The following IL11RA variants were observed in gnomAD, a reference collection of about 807,000 sequenced individuals.
IL11RA encodes interleukin 11 receptor subunit alpha, also known as interleukin-11 receptor subunit alpha.
In IL11RA, 51 loss-of-function variants were observed where a neutral mutation model predicts 57.0. That is an observed-to-expected ratio of 0.89 (90% CI 0.71 to 1.13). The LOEUF (loss-of-function observed/expected upper bound fraction) is 1.13. Among genes scored for constraint, IL11RA ranks in the 50% most tolerant of loss-of-function variants. The pLI is 0.00. For missense variants in IL11RA, 498 were observed against 539.4 expected (o/e 0.92, Z 0.76); for synonymous variants, 199 against 217.5 (o/e 0.91, Z 0.75).
chr9:34,659,833 C>T lies in IL11RA; in HGVS notation c.885C>T (p.Ala295=), dbSNP rs755041133. Residue 295 remains alanine (A), a synonymous_variant, in exon 9 of 13, where the codon GCC becomes GCT. Transcript: ENST00000441545. The part of the protein sequence containing the change: ...AGLPHAVRVS[A]RDFLDAGTWS... The stretch of plus-strand genomic sequence containing the variant: ...TGCCCCATGCTGTACGAGTCAGTGC[C>T]CGGGACTTTCTAGATGCTGGCACCT... 16 of 1,614,068 alleles carry T rather than the reference C, an allele frequency of 9.9e-6. No individual in the cohort carries two copies. Among genetic ancestry groups the T allele is most frequent in the African/African-American group, 1.3e-5 (1 of 74,928 alleles).
intron 3 of IL11RA, chr9:34,655,880 A>G (rs1203717939): frequency 3.2e-6 from 2 of 618,130 alleles, no homozygotes; most frequent in East Asian, 5.8e-5. Flanking sequence ...GCTCTGGGAT[A>G]CAGCAGTGCT....
chr9:34,661,214 A>G (rs905253853), intron 12 of IL11RA, among the ~76,000 whole-genome samples: 1 of 147,578 alleles, frequency 6.8e-6, no homozygotes, highest in African/African-American at 2.4e-5. Flanking sequence ...CTTCCAGGGT[A>G]TTAGACTCAG....
intron 4 of IL11RA, 50 bp from the exon 5 acceptor site, chr9:34,656,985 C>A (rs376621888): frequency 6.2e-6 from 10 of 1,607,322 alleles, no homozygotes; most frequent in Non-Finnish European, 8.5e-6. Context: ...CCTCTGGGAC[C>A]AGGAGGACCT....
In IL11RA at chr9:34,655,259, C is replaced by A. The variant is rs148148995; in HGVS notation, c.42C>A (p.Ala14=). ...CAGGGCTGAGCAGGGTCCTGGTGGC[C>A]GTGGCTACAGCCCTGGTGTCTGCCT... ...SCSGLSRVLV[A]VATALVSASS... Residue 14 remains alanine (A), a synonymous_variant, in exon 2 of 13, where the codon GCC becomes GCA. Coordinates refer to ENST00000441545, the MANE Select transcript of IL11RA (RefSeq NM_001142784.3). 3 of 1,612,106 alleles carry A rather than the reference C, an allele frequency of 1.9e-6. No homozygotes were observed. The highest frequency in any genetic ancestry group is 8.5e-7 in the Non-Finnish European group (1 of 1,179,330).
At position 34,658,698 on chromosome 9, in the gene IL11RA, G is replaced by A; in HGVS notation, c.810+15G>A. ...CCTGGTCCACGGTGAGGCCTGGAGT[G>A]CGTCCCAACCCACGGCTGTGGGTCC... is the stretch of plus-strand genomic sequence containing the variant. On this transcript the variant is annotated intron_variant, in intron 8 of 12. Coordinates refer to ENST00000441545, the MANE Select transcript of IL11RA (RefSeq NM_001142784.3). The surrounding 1 kb of genome is among the most constrained non-coding windows in gnomAD (Gnocchi z 4.0). 8 of 1,610,146 alleles carry A rather than the reference G, an allele frequency of 5.0e-6. No homozygotes were observed. Among genetic ancestry groups the A allele is most frequent in the Non-Finnish European group, 6.8e-6 (8 of 1,179,950 alleles).
intron 7 of IL11RA, 107 bp downstream of exon 7, chr9:34,657,694 AT>A: frequency 1.8e-6 from 2 of 1,114,324 alleles, no homozygotes; most frequent in Non-Finnish European, 2.6e-6. Context: ...CCTAGACTCC[AT>A]TTCACACAGA....
chr9:34,659,476 T>G (rs1041385293), intron 8 of IL11RA, among the ~76,000 whole-genome samples: 5 of 152,304 alleles, frequency 3.3e-5, no homozygotes, highest in African/African-American at 1.2e-4. Context: ...ATTTTACAAA[T>G]GAAGAAACTG....
intron 8 of IL11RA, 136 bp from the exon 9 acceptor site, chr9:34,659,623 G>T: frequency 9.6e-7 from 1 of 1,046,028 alleles, no homozygotes. Flanking sequence ...AGCTCCACCA[G>T]ACACCCAACA....
rs1821330088 is a variant in IL11RA, at chr9:34,655,650, C to A, written c.146C>A (p.Pro49His). The A allele has an allele frequency of 1.9e-6, 3 of 1,614,106 alleles. No homozygotes were observed. Among genetic ancestry groups the A allele is most frequent in the Non-Finnish European group, 2.5e-6 (3 of 1,180,012 alleles). Residue 49 changes from proline to histidine, a missense_variant, in exon 3 of 13, where the codon CCT becomes CAT. Transcript: ENST00000441545. ...QPGRSVKLCC[P>H]GVTAGDPVSW... ...GGCAGGTCCGTGAAGCTGTGTTGTCCTGGAGTGACTGCCGGGTAAGTGCCC... is the reference window on the plus strand; with the variant it reads ...GGCAGGTCCGTGAAGCTGTGTTGTCATGGAGTGACTGCCGGGTAAGTGCCC...
In IL11RA at chr9:34,661,545, C is replaced by T. The variant is rs781237824; in HGVS notation, c.*47C>T. On this transcript the variant is annotated 3_prime_UTR_variant, in exon 13 of 13. Coordinates refer to ENST00000441545, the MANE Select transcript of IL11RA (RefSeq NM_001142784.3). ...AGATTCCACCTATAATTCTGTCTTG[C>T]TGGTGTGGATAGAAACCAGGCAGGA... 6.5e-7 allele frequency: 1 copy of T among 1,542,956 alleles called. No homozygotes were observed. Among genetic ancestry groups the T allele is most frequent in the Non-Finnish European group, 9.0e-7 (1 of 1,116,474 alleles).
At chr9:34,661,113 T>C (rs1047886981) in intron 12 of IL11RA, among the ~76,000 whole-genome samples, 177 bp downstream of exon 12, 1 of 151,560 alleles carries the variant, frequency 6.6e-6, no homozygotes, top group African/African-American at 2.4e-5. Context: ...GTCCCTGGGC[T>C]CAGAAGTGGG....
chr9:34,656,474 G>T (rs921952514), intron 3 of IL11RA, among the ~76,000 whole-genome samples: 1 of 152,310 alleles, frequency 6.6e-6, no homozygotes, highest in South Asian at 2.1e-4. Context: ...AGTGCAAAAT[G>T]TCCTGAGGTG....
At chr9:34,655,501 G>GC (rs1424368716) in intron 2 of IL11RA, 104 bp from the exon 3 acceptor site, 7 of 1,030,362 alleles carry the variant, frequency 6.8e-6, no homozygotes, top group African/African-American at 3.1e-5. Context: ...GATCCAGTGA[G>GC]CCCCCCACCA....
chr9:34,661,830 C>G lies in IL11RA; in HGVS notation c.*332C>G. On this transcript the variant is annotated 3_prime_UTR_variant, in exon 13 of 13. Coordinates refer to ENST00000441545, the MANE Select transcript of IL11RA (RefSeq NM_001142784.3). ...GTGTGTGTGGGTCCTTGGCTCTTGG[C>G]CTTTCCCCTTGCAGGGGTTGTGCAG... 1 of 1,285,316 alleles carries G rather than the reference C, an allele frequency of 7.8e-7. No homozygotes were observed. Among genetic ancestry groups the G allele is most frequent in the Non-Finnish European group, 1.1e-6 (1 of 913,162 alleles). 79.6% of individuals were successfully genotyped at this position (1,285,316 alleles called of 1,614,324 possible).
rs1470738871 is a variant in IL11RA, at chr9:34,657,447, C to T, written c.506C>T (p.Pro169Leu). ...QRRSPSTGPWPCPQDPLGAAR... is the reference protein window; with the variant it reads ...QRRSPSTGPWLCPQDPLGAAR... ...AGGAGTCCATCCACAGGGCCCTGGC[C>T]ATGCCCACAGGATCCCCTAGGGGCT... The change falls in exon 7 of 13, where the codon CCA becomes CTA. Residue 169 changes from proline to leucine, a missense_variant. Pro to Leu is a moderately conservative substitution (Grantham distance 98). Coordinates refer to ENST00000441545, the MANE Select transcript of IL11RA (RefSeq NM_001142784.3). 6.2e-7 allele frequency: 1 copy of T among 1,614,072 alleles called. No individual in the cohort carries two copies. The highest frequency in any genetic ancestry group is 8.5e-7 in the Non-Finnish European group (1 of 1,180,028).
Position 34,659,878 on chromosome 9 carries a change from G to T in IL11RA, c.930G>T (p.Glu310Asp). 1 of 1,614,210 alleles carries T rather than the reference G, an allele frequency of 6.2e-7. No homozygotes were observed. The highest frequency in any genetic ancestry group is 8.5e-7 in the Non-Finnish European group (1 of 1,180,030). The part of the protein sequence containing the change: ...DAGTWSTWSP[E>D]AWGTPSTGTI... ...GCACCTGGAGCACCTGGAGCCCGGA[G>T]GCCTGGGGAACTCCGAGCACTGGTG... Residue 310 changes from glutamate (E) to aspartate (D), a missense_variant, in exon 9 of 13, where the codon GAG becomes GAT. By Grantham distance (45) the Glu-to-Asp change is conservative. Coordinates refer to ENST00000441545, the MANE Select transcript of IL11RA (RefSeq NM_001142784.3).
intron 11 of IL11RA, 28 bp from the exon 12 acceptor site, chr9:34,660,826 G>A (rs1488953308): frequency 5.0e-6 from 8 of 1,595,512 alleles, no homozygotes; most frequent in African/African-American, 1.3e-5. Flanking sequence ...CACATTGTTG[G>A]AGAGACAGCT....
At chr9:34,656,321 G>A (rs1001202581) in intron 3 of IL11RA, among the ~76,000 whole-genome samples, 2 of 152,152 alleles carry the variant, frequency 1.3e-5, no homozygotes, top group African/African-American at 4.8e-5. Flanking sequence ...GTGAGCCACC[G>A]TGCCTGGCCC....
In IL11RA at chr9:34,661,487, C is replaced by T; in HGVS notation, c.1258C>T (p.Pro420Ser). ...VIPVDRRPGAPNL is the reference protein window; with the variant it reads ...VIPVDRRPGASNL Reference sequence around the variant, plus strand: ...TTGCCTCCTGCTTCTTCTAGGAGCTCCAAACCTGTAGAGGACCCAGGAGGG... The same window carrying T: ...TTGCCTCCTGCTTCTTCTAGGAGCTTCAAACCTGTAGAGGACCCAGGAGGG... The change falls in exon 13 of 13, where the codon CCA becomes TCA. Residue 420 changes from proline (P) to serine (S), a missense_variant. By Grantham distance (74) the Pro-to-Ser change is moderately conservative (BLOSUM62 -1). Coordinates refer to ENST00000441545, the MANE Select transcript of IL11RA (RefSeq NM_001142784.3). The T allele has an allele frequency of 1.9e-6, 3 of 1,613,828 alleles. No individual in the cohort carries two copies. Among genetic ancestry groups the T allele is most frequent in the Non-Finnish European group, 2.5e-6 (3 of 1,180,026 alleles).
Sources: allele counts gnomAD v4.1 joint callset (sites outside exome capture counted in the v4.1 genomes callset), GRCh38; gene constraint gnomAD v4.1.1; non-coding constraint Gnocchi (gnomAD v3.1); transcripts MANE v1.5; gene names NCBI Gene and HGNC (gene_info 2026-07-23, HGNC 2026-07-21).